Variants in THEM6 observed in about 807,000 individuals in gnomAD.
THEM6 encodes the protein thioesterase superfamily member 6.
In THEM6, 10 loss-of-function variants were observed where a neutral mutation model predicts 13.7. That is an observed-to-expected ratio of 0.73 (90% CI 0.45 to 1.24). The LOEUF is 1.24. THEM6 is among the 50% of genes most tolerant of loss of function. The probability of loss-of-function intolerance (pLI) is 0.00; values close to 1 mark genes in which losing one functional copy is unlikely to be tolerated. For missense variants in THEM6, 317 were observed against 312.6 expected, an observed-to-expected ratio of 1.01 and a Z score of -0.11; for synonymous variants, 161 against 156.0, an observed-to-expected ratio of 1.03 and a Z score of -0.24.
chr8:142,735,288 C>T lies in THEM6; in HGVS notation c.514-38C>T, dbSNP rs183647559. On this transcript the variant is annotated intron_variant, in intron 1 of 1. Coordinates refer to ENST00000336138, the MANE Select transcript of THEM6 (RefSeq NM_016647.3). ...GGCAGCGGCCCAGAGGTGGGAAGGC[C>T]GTAGCTTAGCTGGGTGTCCCCTTTC... is the stretch of plus-strand genomic sequence containing the variant. 12,511 of 1,474,332 alleles carry T rather than the reference C, an allele frequency of 8.5e-3. 104 individuals are homozygous for T. The highest frequency in any genetic ancestry group is 9.5e-3 in the Non-Finnish European group (10,200 of 1,078,396). 91.3% of individuals were successfully genotyped at this position (1,474,332 alleles called of 1,614,324 possible). A position where few individuals can be genotyped will look rare whatever the true frequency, so the allele number is the denominator to read the frequency against.
Position 142,727,626 on chromosome 8 carries a change from T to G in THEM6, c.280T>G (p.Leu94Val). Residue 94 changes from leucine to valine, a missense_variant, in exon 1 of 2, where the codon TTG becomes GTG. Transcript: ENST00000336138. ...CGGGGTGCTCGGGGCGCTGAGGGAG[T>G]TGCGGGCGCACACGGTGCTGGCGGC... ...RCGVLGALRE[L>V]RAHTVLAASC... The G allele has an allele frequency of 6.7e-7, 1 of 1,493,048 alleles. No individual in the cohort carries two copies. The highest frequency in any genetic ancestry group is 8.9e-7 in the Non-Finnish European group (1 of 1,129,680). The allele number at this position is 1,493,048 out of a possible 1,614,324, so 92.5% of individuals were successfully genotyped here.
At chr8:142,734,080 G>T (rs1470035191) in intron 1 of THEM6, among the ~76,000 whole-genome samples, 2 of 152,240 alleles carry the variant, frequency 1.3e-5, no homozygotes, top group Non-Finnish European at 2.9e-5. Flanking sequence ...TGTTGTTAAT[G>T]CTGGAGGGCA....
intron 1 of THEM6, 110 bp downstream of exon 1, chr8:142,727,969 T>C (rs775363421): frequency 7.3e-6 from 9 of 1,236,036 alleles, no homozygotes; most frequent in Non-Finnish European, 4.2e-6. Context: ...CTGCACCTCT[T>C]TCGGATACTG....
intron 1 of THEM6, 34 bp from the exon 2 acceptor site, chr8:142,735,292 G>A (rs1016413976): frequency 6.7e-7 from 1 of 1,497,438 alleles, no homozygotes. Context: ...GAAGGCCGTA[G>A]CTTAGCTGGG....
At chr8:142,728,267 C>T (rs148248681) in intron 1 of THEM6, among the ~76,000 whole-genome samples, 6 of 152,304 alleles carry the variant, frequency 3.9e-5, no homozygotes, top group Middle Eastern at 3.4e-3. Context: ...TAGGAGTTCC[C>T]GAGGACCTGA....
intron 1 of THEM6, among the ~76,000 whole-genome samples, chr8:142,730,946 C>T (rs587774375): frequency 1.2e-3 from 183 of 152,210 alleles, no homozygotes; most frequent in African/African-American, 4.0e-3. Context: ...GGGGTTTCAC[C>T]GTGTTAGCCA....
chr8:142,731,956 G>T (rs1815654313), intron 1 of THEM6, among the ~76,000 whole-genome samples: 1 of 151,652 alleles, frequency 6.6e-6, no homozygotes, highest in African/African-American at 2.4e-5. Context: ...TCTTCCTGGC[G>T]CCGCTGTGCT....
At chr8:142,730,275 T>C (rs1554642822) in intron 1 of THEM6, among the ~76,000 whole-genome samples, 1 of 149,414 alleles carries the variant, frequency 6.7e-6, no homozygotes, top group African/African-American at 2.5e-5. Context: ...CAGCATAAAA[T>C]AGGGTTCTTC....
Position 142,727,470 on chromosome 8 carries a change from C to T in THEM6, c.124C>T (p.Arg42Cys), listed in dbSNP as rs1815518711. Reference protein sequence around the residue: ...LRARLLQPRVRDLLAEQRFPG... With the variant: ...LRARLLQPRVCDLLAEQRFPG... ...CGCGCGCCTGCTGCAGCCGCGCGTCCGTGACCTGCTAGCTGAGCAGCGCTT... is the reference window on the plus strand; with the variant it reads ...CGCGCGCCTGCTGCAGCCGCGCGTCTGTGACCTGCTAGCTGAGCAGCGCTT... Residue 42 changes from arginine (R) to cysteine (C), a missense_variant, in exon 1 of 2, where the codon CGT becomes TGT. Physicochemically the swap from Arg to Cys is radical, Grantham distance 180. Transcript: ENST00000336138. 1 of 1,572,130 alleles carries T rather than the reference C, an allele frequency of 6.4e-7. No individual in the cohort carries two copies. The highest frequency in any genetic ancestry group is 8.6e-7 in the Non-Finnish European group (1 of 1,167,164).
chr8:142,728,057 G>A (rs1196132247), intron 1 of THEM6, among the ~76,000 whole-genome samples, 198 bp downstream of exon 1: 3 of 152,058 alleles, frequency 2.0e-5, no homozygotes, highest in African/African-American at 2.4e-5. Context: ...TGTTCGTGGG[G>A]GTTCCTAGGG....
At position 142,727,757 on chromosome 8, in the gene THEM6, T is replaced by C; in HGVS notation, c.411T>C (p.Phe137=). 6.9e-7 allele frequency: 1 copy of C among 1,454,262 alleles called. No individual in the cohort carries two copies. The highest frequency in any genetic ancestry group is 2.9e-5 in the East Asian group (1 of 34,738). 90.1% of individuals were successfully genotyped at this position (1,454,262 alleles called of 1,614,324 possible). A position where few individuals can be genotyped will look rare whatever the true frequency, so the allele number is the denominator to read the frequency against. The change falls in exon 1 of 2, where the codon TTT becomes TTC. Residue 137 remains phenylalanine (F), a synonymous_variant. Coordinates refer to ENST00000336138, the MANE Select transcript of THEM6 (RefSeq NM_016647.3). The part of the protein sequence containing the change: ...DDRAFYLEAR[F]VSLRDGFVCA... ...GCGCGTTCTACCTGGAGGCGCGCTT[T>C]GTCAGCCTGCGGGACGGCTTCGTGT...
rs1421887605 is a variant in THEM6 at position 142,727,342 on chromosome 8, C to G, written c.-5C>G. ...CCGCAGGACCCCGCGCCCGCCGCCG[C>G]CGCTATGCTGGGGCTGCTGGTGGCG... On this transcript the variant is annotated 5_prime_UTR_variant, in exon 1 of 2. Transcript: ENST00000336138. 6.6e-7 allele frequency: 1 copy of G among 1,508,396 alleles called. No homozygotes were observed. Among genetic ancestry groups the G allele is most frequent in the African/African-American group, 1.4e-5 (1 of 69,010 alleles). The allele number at this position is 1,508,396 out of a possible 1,614,324, so 93.4% of individuals were successfully genotyped here. A position where few individuals can be genotyped will look rare whatever the true frequency, so the allele number is the denominator to read the frequency against.
intron 1 of THEM6, among the ~76,000 whole-genome samples, chr8:142,730,485 C>T (rs1241646967): frequency 2.6e-5 from 4 of 152,184 alleles, no homozygotes; most frequent in Admixed American, 6.5e-5. Context: ...TGATGCCTCC[C>T]GCTCCATTCC....
rs1327291987 is a variant in THEM6, at chr8:142,731,738, A to G, written c.514-3588A>G. On this transcript the variant is annotated intron_variant, in intron 1 of 1. Coordinates refer to ENST00000336138, the MANE Select transcript of THEM6 (RefSeq NM_016647.3). ...GCTCCTGCAGCAGCAGGGCCGGGCA[A>G]TGGCACCAGCCCCTGGGCATGCACT... Among the ~76,000 whole-genome samples the G allele has an allele frequency of 2.6e-5, 4 of 152,048 alleles. No individual in the cohort carries two copies. The East Asian group carries it at 7.7e-4, about 29-fold the overall frequency.
chr8:142,730,773 C>G (rs1275738572), intron 1 of THEM6, among the ~76,000 whole-genome samples: 7 of 143,950 alleles, frequency 4.9e-5, no homozygotes, highest in African/African-American at 1.8e-4. Context: ...GAGACAGAGT[C>G]TTGCTCTGTC....
chr8:142,727,744 T>G lies in THEM6; in HGVS notation c.398T>G (p.Leu133Arg). 2 of 1,449,314 alleles carry G rather than the reference T, an allele frequency of 1.4e-6. No homozygotes were observed. The highest frequency in any genetic ancestry group is 1.8e-6 in the Non-Finnish European group (2 of 1,110,362). The allele number at this position is 1,449,314 out of a possible 1,614,324, so 89.8% of individuals were successfully genotyped here. A position where few individuals can be genotyped will look rare whatever the true frequency, so the allele number is the denominator to read the frequency against. ...GGCTGGGACGACCGCGCGTTCTACCTGGAGGCGCGCTTTGTCAGCCTGCGG... is the reference window on the plus strand; with the variant it reads ...GGCTGGGACGACCGCGCGTTCTACCGGGAGGCGCGCTTTGTCAGCCTGCGG... ...LLGWDDRAFY[L>R]EARFVSLRDG... Residue 133 changes from leucine to arginine, a missense_variant, in exon 1 of 2, where the codon CTG becomes CGG. Coordinates refer to ENST00000336138, the MANE Select transcript of THEM6 (RefSeq NM_016647.3).
In THEM6 at chr8:142,727,307, G is replaced by GCGGGT; in HGVS notation, c.-39_-38insGGGTC. The GCGGGT allele has an allele frequency of 6.9e-7, 1 of 1,443,832 alleles. No individual in the cohort carries two copies. Among genetic ancestry groups the GCGGGT allele is most frequent in the Non-Finnish European group, 9.0e-7 (1 of 1,108,874 alleles). 89.4% of individuals were successfully genotyped at this position (1,443,832 alleles called of 1,614,324 possible). ...CAGCGCCGCGGACACCGGCACCGGC[G>GCGGGT]CCACGGACTCCGCAGGACCCCGCGC... On this transcript the variant is annotated 5_prime_UTR_variant, in exon 1 of 2. Transcript: ENST00000336138.
At position 142,727,643 on chromosome 8, in the gene THEM6, G is replaced by A. The variant is rs1554642493; in HGVS notation, c.297G>A (p.Val99=). 6.8e-7 allele frequency: 1 copy of A among 1,463,274 alleles called. No individual in the cohort carries two copies. 90.6% of individuals were successfully genotyped at this position (1,463,274 alleles called of 1,614,324 possible). A position where few individuals can be genotyped will look rare whatever the true frequency, so the allele number is the denominator to read the frequency against. The change falls in exon 1 of 2, where the codon GTG becomes GTA. Residue 99 remains valine (V), a synonymous_variant. Coordinates refer to ENST00000336138, the MANE Select transcript of THEM6 (RefSeq NM_016647.3). Reference sequence around the variant, plus strand: ...TGAGGGAGTTGCGGGCGCACACGGTGCTGGCGGCCTCGTGCGCGCGCCACC... The same window carrying A: ...TGAGGGAGTTGCGGGCGCACACGGTACTGGCGGCCTCGTGCGCGCGCCACC... ...GALRELRAHT[V]LAASCARHRR...
In THEM6 at chr8:142,727,452, C is replaced by T. The variant is rs374821324; in HGVS notation, c.106C>T (p.Leu36=). 9 of 1,561,468 alleles carry T rather than the reference C, an allele frequency of 5.8e-6. No individual in the cohort carries two copies. The highest frequency in any genetic ancestry group is 1.7e-4 in the Middle Eastern group (1 of 5,890). The part of the protein sequence containing the change: ...RLPCAVLRAR[L]LQPRVRDLLA... ...TCCGTGCGCCGTGCTGCGCGCGCGC[C>T]TGCTGCAGCCGCGCGTCCGTGACCT... The change falls in exon 1 of 2, where the codon CTG becomes TTG. Residue 36 remains leucine, a synonymous_variant. Coordinates refer to ENST00000336138, the MANE Select transcript of THEM6 (RefSeq NM_016647.3).
Sources: gnomAD v4.1 joint callset for allele counts (sites outside exome capture counted in the v4.1 genomes callset) on GRCh38, gnomAD v4.1.1 for gene constraint, MANE v1.5 for transcripts, NCBI Gene and HGNC (gene_info 2026-07-23, HGNC 2026-07-21) for gene names.